Variants in ZPBP observed in about 807,000 individuals in gnomAD.
The protein encoded by ZPBP is zona pellucida binding protein, also known as zona pellucida-binding protein 1.
ZPBP carries 26 observed loss-of-function variants against 44.8 expected under a neutral mutation model. That is an observed-to-expected ratio of 0.58 (90% CI 0.43 to 0.81). The LOEUF is 0.81. ZPBP is among the 30% of genes least tolerant of loss of function. The pLI, the probability that ZPBP is intolerant of heterozygous loss-of-function variation, is 0.00. For synonymous variants in ZPBP, 174 were observed against 153.2 expected (o/e 1.14, Z -1.00); for missense variants, 409 against 434.0 (o/e 0.94, Z 0.51).
intron 1 of ZPBP, among the ~76,000 whole-genome samples, chr7:49,910,605 TA>T (rs11331851): frequency 0.77 from 116,318 of 151,950 alleles, 44,689 homozygotes; most frequent in East Asian, 0.88. Flanking sequence ...ATTAATCTTT[TA>T]AAAAAAAATG....
chr7:50,040,537 C>A (rs1052992550), intron 4 of ZPBP, among the ~76,000 whole-genome samples: 4 of 152,102 alleles, frequency 2.6e-5, no homozygotes, highest in Non-Finnish European at 5.9e-5. Context: ...GGGTGGGTGT[C>A]GCCTCACCCG....
intron 2 of ZPBP, among the ~76,000 whole-genome samples, chr7:49,854,302 T>C (rs1313481405): frequency 2.0e-5 from 3 of 152,222 alleles, no homozygotes; most frequent in Non-Finnish European, 4.4e-5. Flanking sequence ...TCTTCCACAA[T>C]GGTTGAACTA....
intron 1 of ZPBP, among the ~76,000 whole-genome samples, chr7:49,911,480 C>CAAAAAA (rs34782644): frequency 1.4e-5 from 1 of 71,596 alleles, no homozygotes; most frequent in African/African-American, 6.2e-5. Context: ...GACTCTGTCT[C>CAAAAAA]AAAAAAAAAA....
chr7:49,951,870 T>C (rs1166751506), intron 7 of ZPBP, among the ~76,000 whole-genome samples: 1 of 151,798 alleles, frequency 6.6e-6, no homozygotes, highest in Non-Finnish European at 1.5e-5. Flanking sequence ...ATATATAAAA[T>C]GGGATATTAT....
chr7:49,982,969 A>G (rs1363925706), intron 7 of ZPBP, among the ~76,000 whole-genome samples: 5 of 152,058 alleles, frequency 3.3e-5, no homozygotes, highest in East Asian at 1.9e-4. Context: ...AAGGAAGGAA[A>G]AAGTCACAAA....
Position 49,986,582 on chromosome 7 carries a change from TAAG to T in ZPBP, c.784-3066_784-3064del, listed in dbSNP as rs1228238387. ...CTCCTTGTTGGAAGAACCATTCGCA[TAAG>T]AATAAGAGGTTCTTCCCTCAGTTAA... is the stretch of plus-strand genomic sequence containing the variant. On this transcript the variant is annotated intron_variant, in intron 6 of 7. Coordinates refer to ENST00000046087, the MANE Select transcript of ZPBP (RefSeq NM_007009.3). Among the ~76,000 whole-genome samples, 6 of 152,332 alleles carry T rather than the reference TAAG, an allele frequency of 3.9e-5. No individual in the cohort carries two copies. In the South Asian group the frequency reaches 1.0e-3, roughly 26 times the overall value.
chr7:49,930,123 G>C (rs925029330), intron 1 of ZPBP, among the ~76,000 whole-genome samples: 12 of 152,124 alleles, frequency 7.9e-5, no homozygotes, highest in African/African-American at 2.7e-4. Flanking sequence ...GGAGGCATAA[G>C]AGCACCTGCA....
intron 2 of ZPBP, among the ~76,000 whole-genome samples, chr7:49,890,507 T>C (rs1366972657): frequency 6.6e-6 from 1 of 152,180 alleles, no homozygotes; most frequent in Non-Finnish European, 1.5e-5. Flanking sequence ...AACTATAGAA[T>C]CATAACACCT....
intron 2 of ZPBP, among the ~76,000 whole-genome samples, chr7:49,886,712 T>G (rs1456776528): frequency 6.6e-6 from 1 of 152,188 alleles, no homozygotes; most frequent in Non-Finnish European, 1.5e-5. Flanking sequence ...ATTATGTAGT[T>G]TTTTAAAAGA....
chr7:50,036,534 A>G (rs191183663), intron 4 of ZPBP, among the ~76,000 whole-genome samples: 1 of 152,342 alleles, frequency 6.6e-6, no homozygotes, highest in Admixed American at 6.5e-5. Context: ...CAAAACTTCA[A>G]CATTGTAATA....
At chr7:49,994,809 G>A (rs534300626) in intron 6 of ZPBP, among the ~76,000 whole-genome samples, 30 of 152,254 alleles carry the variant, frequency 2.0e-4, no homozygotes, top group African/African-American at 7.0e-4. Context: ...ACATAAGCTT[G>A]TACAACAGCC....
intron 1 of ZPBP, among the ~76,000 whole-genome samples, chr7:49,932,221 C>T (rs1445700636): frequency 6.6e-6 from 1 of 152,188 alleles, no homozygotes; most frequent in Non-Finnish European, 1.5e-5. Context: ...AGAGGGCCAC[C>T]ATCCTCCCAA....
intron 5 of ZPBP, among the ~76,000 whole-genome samples, chr7:50,019,218 C>G (rs1297546830): frequency 6.6e-6 from 1 of 152,072 alleles, no homozygotes; most frequent in Non-Finnish European, 1.5e-5. Flanking sequence ...TATAATTTAT[C>G]TACCAATCTT....
intron 6 of ZPBP, among the ~76,000 whole-genome samples, chr7:50,013,653 C>T (rs570876527): frequency 6.6e-6 from 1 of 151,786 alleles, no homozygotes; most frequent in African/African-American, 2.4e-5. Context: ...CAATTAAAAT[C>T]TTTTTTTAAT....
At chr7:50,037,744 A>G (rs1726645379) in intron 4 of ZPBP, among the ~76,000 whole-genome samples, 1 of 152,142 alleles carries the variant, frequency 6.6e-6, no homozygotes, top group African/African-American at 2.4e-5. Context: ...TATTTGAACA[A>G]AGCATATGAA....
At chr7:50,067,333 C>A (rs1801562761) in intron 3 of ZPBP, among the ~76,000 whole-genome samples, 1 of 152,044 alleles carries the variant, frequency 6.6e-6, no homozygotes, top group Non-Finnish European at 1.5e-5. Flanking sequence ...TTACTTCCAG[C>A]AGTTAAAATC....
intron 3 of ZPBP, among the ~76,000 whole-genome samples, chr7:50,070,163 C>A (rs371017100): frequency 3.9e-5 from 6 of 152,206 alleles, no homozygotes; most frequent in East Asian, 1.9e-4. Flanking sequence ...TCACACACAC[C>A]CACCCACTCC....
intron 6 of ZPBP, among the ~76,000 whole-genome samples, chr7:50,008,154 T>C (rs1002270071): frequency 2.0e-5 from 3 of 152,048 alleles, no homozygotes; most frequent in African/African-American, 7.3e-5. Context: ...ATAACAACAC[T>C]GCAATAAATG....
At chr7:50,020,004 C>T (rs1038881283) in intron 5 of ZPBP, among the ~76,000 whole-genome samples, 3 of 150,940 alleles carry the variant, frequency 2.0e-5, no homozygotes, top group Non-Finnish European at 2.9e-5. Flanking sequence ...GCTGAGATCA[C>T]GCCACTGCAC....
Sources: gnomAD v4.1 joint callset for allele counts (sites outside exome capture counted in the v4.1 genomes callset) on GRCh38, gnomAD v4.1.1 for gene constraint, MANE v1.5 for transcripts, NCBI Gene and HGNC (gene_info 2026-07-23, HGNC 2026-07-21) for gene names.